DEPDC5: variants seen among roughly 807,000 people sequenced by gnomAD.
DEPDC5 encodes GATOR1 complex protein DEPDC5.
A neutral mutation model predicts 217.3 loss-of-function variants in DEPDC5; 73 were observed. The ratio of observed to expected loss-of-function variants is 0.34; its 90% CI spans 0.28 to 0.41. The LOEUF is 0.41. Ranked by LOEUF, DEPDC5 falls within the 10% of genes least tolerant of loss-of-function variation. DEPDC5 has a pLI of 1.00. For missense variants in DEPDC5, 1,675 were observed against 2,070.1 expected (o/e 0.81, Z 3.70); for synonymous variants, 733 against 756.7 (o/e 0.97, Z 0.51).
chr22:31,864,394 C>T (rs2092615376), intron 33 of DEPDC5, among the ~76,000 whole-genome samples: 1 of 150,364 alleles, frequency 6.7e-6, no homozygotes, highest in African/African-American at 2.4e-5. Context: ...GCAGGAGCCA[C>T]CACCACACCT....
In DEPDC5 at chr22:31,843,652, T is replaced by C. The variant is rs2091534630; in HGVS notation, c.2641T>C (p.Tyr881His). The part of the protein sequence containing the change: ...TVTRYLPKYP[Y>H]ESAQIHYTYS... ...CTGCCCTTTATTTTGCAGGTATCCT[T>C]ATGAATCTGCCCAGATCCACTACAC... Residue 881 changes from tyrosine to histidine, a missense_variant, in exon 29 of 43, where the codon TAT becomes CAT. Coordinates refer to ENST00000651528, the MANE Select transcript of DEPDC5 (RefSeq NM_001242896.3). 2 of 1,596,704 alleles carry C rather than the reference T, an allele frequency of 1.3e-6. No homozygotes were observed. The highest frequency in any genetic ancestry group is 1.7e-6 in the Non-Finnish European group (2 of 1,166,574).
intron 38 of DEPDC5, among the ~76,000 whole-genome samples, chr22:31,889,522 A>G (rs900370729): frequency 6.6e-6 from 1 of 151,476 alleles, no homozygotes; most frequent in Non-Finnish European, 1.5e-5. Context: ...ACAGTGTCCA[A>G]GACCAGAGGG....
At chr22:31,880,003 G>A (rs2093131778) in intron 38 of DEPDC5, 2 of 486,276 alleles carry the variant, frequency 4.1e-6, no homozygotes, top group Non-Finnish European at 7.6e-6. Context: ...GACCTGTTCG[G>A]ATAGGAGAGA....
rs150363017 is a variant in DEPDC5, at chr22:31,795,957, C to T, written c.768-1643C>T. On this transcript the variant is annotated intron_variant, in intron 12 of 42. Transcript: ENST00000651528. ...ATTGGTCAGTCTGATCTCAAACTCC[C>T]GACCTCAGGTGATCCCCCCACCTTG... 4.3e-3 allele frequency among the ~76,000 whole-genome samples: 650 copies of T among 151,516 alleles called. 5 individuals carry two copies. Among genetic ancestry groups the T allele is most frequent in the African/African-American group, 0.015 (622 of 41,304 alleles).
At chr22:31,873,451 G>A in intron 35 of DEPDC5, 119 bp downstream of exon 35, 2 of 1,075,962 alleles carry the variant, frequency 1.9e-6, no homozygotes, top group African/African-American at 1.6e-5. Flanking sequence ...AGTTTTGAGA[G>A]CTTGGGCAAG....
chr22:31,861,423 T>TCTA lies in DEPDC5; in HGVS notation c.3322_3324dup (p.Tyr1108dup). On this transcript the variant is annotated inframe_insertion, in exon 33 of 43. Transcript: ENST00000651528. ...AGCCCACGCACAGCATCGTCCGCCTTCTACCCTCAGGTTAGTCCAACTCCA... is the reference window on the plus strand; with the variant it reads ...AGCCCACGCACAGCATCGTCCGCCTTCTACTACCCTCAGGTTAGTCCAACTCCA... 6.4e-7 allele frequency: 1 copy of TCTA among 1,551,586 alleles called. No homozygotes were observed. Among genetic ancestry groups the TCTA allele is most frequent in the Non-Finnish European group, 8.7e-7 (1 of 1,146,966 alleles).
chr22:31,861,638 C>A (rs2092517984), intron 33 of DEPDC5, among the ~76,000 whole-genome samples: 1 of 152,188 alleles, frequency 6.6e-6, no homozygotes, highest in Admixed American at 6.5e-5. Flanking sequence ...TGTAGAAGAA[C>A]ATATGATTGT....
chr22:31,887,128 T>C, intron 38 of DEPDC5, among the ~76,000 whole-genome samples: 1 of 137,500 alleles, frequency 7.3e-6, no homozygotes, highest in Admixed American at 7.3e-5. Context: ...TATAGAAAAG[T>C]AAGTCATAGG....
intron 12 of DEPDC5, 32 bp downstream of exon 12, chr22:31,792,849 T>C: frequency 1.4e-6 from 2 of 1,461,004 alleles, no homozygotes; most frequent in Non-Finnish European, 1.8e-6. Flanking sequence ...TACTTTTTAT[T>C]TATTTATTAG....
intron 26 of DEPDC5, among the ~76,000 whole-genome samples, chr22:31,837,961 C>T (rs1027778647): frequency 3.9e-5 from 6 of 152,064 alleles, no homozygotes; most frequent in Non-Finnish European, 7.4e-5. Flanking sequence ...CCTCGGCCTC[C>T]CAAAGTGCTG....
At chr22:31,764,004 A>G (rs1287992581) in intron 4 of DEPDC5, among the ~76,000 whole-genome samples, 8 of 151,752 alleles carry the variant, frequency 5.3e-5, no homozygotes, top group African/African-American at 1.9e-4. Context: ...ATTTTGGCTC[A>G]CTGCAACTTC....
At chr22:31,788,363 G>A (rs184016283) in intron 10 of DEPDC5, among the ~76,000 whole-genome samples, 3 of 141,830 alleles carry the variant, frequency 2.1e-5, no homozygotes, top group Admixed American at 7.6e-5. Context: ...AGCCTTGATC[G>A]CCTGGGCTCA....
chr22:31,831,655 T>C (rs555316311), intron 24 of DEPDC5, among the ~76,000 whole-genome samples: 1 of 152,234 alleles, frequency 6.6e-6, no homozygotes, highest in South Asian at 2.1e-4. Flanking sequence ...GAGACGAGGT[T>C]TCACCATGTT....
chr22:31,901,860 C>T (rs1569242785), intron 41 of DEPDC5, 58 bp downstream of exon 41: 1 of 1,534,322 alleles, frequency 6.5e-7, no homozygotes, highest in Non-Finnish European at 9.0e-7. Flanking sequence ...TCTTGAATAG[C>T]AGTTACCAAA....
chr22:31,879,845 A>G, intron 38 of DEPDC5, 93 bp downstream of exon 38: 2 of 1,259,488 alleles, frequency 1.6e-6, no homozygotes, highest in East Asian at 5.1e-5. Flanking sequence ...CACATGAACC[A>G]GGATTAGAGT....
chr22:31,788,710 A>G (rs1475032690), intron 10 of DEPDC5, among the ~76,000 whole-genome samples: 2 of 151,524 alleles, frequency 1.3e-5, no homozygotes, highest in Non-Finnish European at 2.9e-5. Flanking sequence ...AATAGCTGAG[A>G]TTACAGGCGC....
intron 7 of DEPDC5, among the ~76,000 whole-genome samples, chr22:31,774,074 A>AAAAAC (rs764495219): frequency 3.9e-5 from 6 of 152,212 alleles, no homozygotes; most frequent in Non-Finnish European, 7.3e-5. Context: ...CCTGTCTCAA[A>AAAAAC]AAAACAAAAC....
At chr22:31,797,436 C>G (rs1024075402) in intron 12 of DEPDC5, among the ~76,000 whole-genome samples, 164 bp from the exon 13 acceptor site, 1 of 152,052 alleles carries the variant, frequency 6.6e-6, no homozygotes, top group Admixed American at 6.6e-5. Flanking sequence ...CCCTCACTAT[C>G]ACAAGAACAG....
chr22:31,904,963 T>G (rs944529204), intron 41 of DEPDC5, among the ~76,000 whole-genome samples: 1 of 152,182 alleles, frequency 6.6e-6, no homozygotes, highest in African/African-American at 2.4e-5. Flanking sequence ...CCTTCTTTAG[T>G]TCTGCCTACA....
Sources: gnomAD v4.1 joint callset for allele counts (sites outside exome capture counted in the v4.1 genomes callset) on GRCh38, gnomAD v4.1.1 for gene constraint, MANE v1.5 for transcripts, NCBI Gene and HGNC (gene_info 2026-07-23, HGNC 2026-07-21) for gene names.